Variants in ANKRD26 observed in about 807,000 individuals in gnomAD.
ANKRD26 encodes the protein ankyrin repeat domain 26, also known as ankyrin repeat domain-containing protein 26.
In ANKRD26, 141 loss-of-function variants were observed where a neutral mutation model predicts 208.7. That is an observed-to-expected ratio of 0.68 (90% CI 0.59 to 0.78). The LOEUF (loss-of-function observed/expected upper bound fraction) is 0.78, where lower values mean the gene tolerates loss of function less well. Among genes scored for constraint, ANKRD26 ranks in the 30% least tolerant of loss-of-function variants. The pLI is 0.00. For missense variants in ANKRD26, 1,889 were observed against 1,938.7 expected (o/e 0.97, Z 0.48); for synonymous variants, 636 against 660.4 (o/e 0.96, Z 0.57).
chr10:27,017,234 A>G (rs2053326168), intron 30 of ANKRD26, among the ~76,000 whole-genome samples: 2 of 152,344 alleles, frequency 1.3e-5, no homozygotes, highest in Non-Finnish European at 2.9e-5. Flanking sequence ...CTAAATCACA[A>G]TACTTTCTTT....
At chr10:27,007,838 T>C (rs1589200420) in intron 32 of ANKRD26, among the ~76,000 whole-genome samples, 1 of 152,124 alleles carries the variant, frequency 6.6e-6, no homozygotes, top group Non-Finnish European at 1.5e-5. Flanking sequence ...ATCCTATCTA[T>C]ATATTATAAA....
At chr10:27,062,234 C>T (rs1223717074) in intron 12 of ANKRD26, 1 of 973,668 alleles carries the variant, frequency 1.0e-6, no homozygotes, top group Non-Finnish European at 1.2e-6. Flanking sequence ...TCTACAATTT[C>T]TATTTCTCCA....
At chr10:27,046,881 AGAG>A (rs1329445149) in intron 17 of ANKRD26, among the ~76,000 whole-genome samples, 1 of 152,184 alleles carries the variant, frequency 6.6e-6, no homozygotes, top group Admixed American at 6.5e-5. Context: ...GAGACAAAAT[AGAG>A]GAGTTCATGA....
At chr10:27,099,051 C>T (rs2056561049) in intron 1 of ANKRD26, among the ~76,000 whole-genome samples, 1 of 152,074 alleles carries the variant, frequency 6.6e-6, no homozygotes, top group Non-Finnish European at 1.5e-5. Flanking sequence ...AGTGCAATGG[C>T]ACGATCTTGG....
chr10:27,089,400 T>C (rs11015516), intron 4 of ANKRD26, among the ~76,000 whole-genome samples: 1,878 of 152,358 alleles, frequency 0.012, 22 homozygotes, highest in South Asian at 0.035. Context: ...AAACATGTGA[T>C]AGTATTTTTT....
At chr10:26,977,502 A>ATT (rs2052244897) in intron 5 of ANKRD26, among the ~76,000 whole-genome samples, 1 of 152,170 alleles carries the variant, frequency 6.6e-6, no homozygotes, top group South Asian at 2.1e-4. Context: ...GCATAATGAT[A>ATT]TTTTGTTACA....
At chr10:26,981,439 G>A (rs2052307067) in intron 4 of ANKRD26, among the ~76,000 whole-genome samples, 1 of 152,156 alleles carries the variant, frequency 6.6e-6, no homozygotes, top group African/African-American at 2.4e-5. Flanking sequence ...TAGTTAAGAT[G>A]TCTGGTGACA....
downstream of ANKRD26, among the ~76,000 whole-genome samples, chr10:26,971,729 T>A (rs1422264918): frequency 6.8e-6 from 1 of 146,380 alleles, no homozygotes. Flanking sequence ...GGATTTTAAA[T>A]AAACTAACCA....
At position 27,075,919 on chromosome 10, in the gene ANKRD26, A is replaced by G. The variant is rs781736199; in HGVS notation, c.1077+1419T>C. 1.1e-4 allele frequency among the ~76,000 whole-genome samples: 17 copies of G among 152,234 alleles called. 1 individual carries two copies. Among genetic ancestry groups the G allele is most frequent in the Non-Finnish European group, 7.3e-5 (5 of 68,046 alleles). ...GAAGTATCTTCTCAGACCACAGCAG[A>G]ATACATAGAAATCAATTCCAAAAGG... is the stretch of plus-strand genomic sequence containing the variant. On this transcript the variant is annotated intron_variant, in intron 9 of 33. Transcript: ENST00000376087.
chr10:27,052,805 T>C (rs530697205), intron 16 of ANKRD26, among the ~76,000 whole-genome samples: 1 of 152,260 alleles, frequency 6.6e-6, no homozygotes, highest in Admixed American at 6.5e-5. Flanking sequence ...GACCTCATTC[T>C]TTCCCTGAAT....
chr10:26,970,313 T>C (rs752500847), downstream of ANKRD26, among the ~76,000 whole-genome samples: 2 of 152,170 alleles, frequency 1.3e-5, no homozygotes, highest in African/African-American at 4.8e-5. Flanking sequence ...GGAATTCTCA[T>C]GAGTGGTTTA....
chr10:26,998,564 G>C (rs2052648042), intron 4 of ANKRD26, among the ~76,000 whole-genome samples: 1 of 152,244 alleles, frequency 6.6e-6, no homozygotes, highest in Non-Finnish European at 1.5e-5. Context: ...CATAGGTTCT[G>C]ATAATGAGCT....
At chr10:27,039,637 G>A (rs901437975) in intron 21 of ANKRD26, among the ~76,000 whole-genome samples, 2 of 151,942 alleles carry the variant, frequency 1.3e-5, no homozygotes, top group Non-Finnish European at 2.9e-5. Flanking sequence ...TAAATAATTA[G>A]AAATGTAGAA....
chr10:26,949,191 T>C, the ANKRD26 span, among the ~76,000 whole-genome samples: 1 of 152,138 alleles, frequency 6.6e-6, no homozygotes, highest in East Asian at 1.9e-4. Context: ...TTACTAGTGA[T>C]TAATACCTTG....
intron 6 of ANKRD26, chr10:27,080,723 A>C (rs543385504): frequency 9.7e-5 from 96 of 985,438 alleles, no homozygotes; most frequent in Non-Finnish European, 1.1e-4. Flanking sequence ...AAATTCCTGA[A>C]AGGATGGTCT....
intron 23 of ANKRD26, 61 bp from the exon 24 acceptor site, chr10:27,035,813 T>A: frequency 8.5e-7 from 1 of 1,183,392 alleles, no homozygotes; most frequent in South Asian, 1.3e-5. Flanking sequence ...CATGATTTCC[T>A]CTGAAATTAA....
chr10:27,048,699 C>CA (rs1189643904), intron 17 of ANKRD26, 102 bp downstream of exon 17: 1 of 1,260,606 alleles, frequency 7.9e-7, no homozygotes, highest in Non-Finnish European at 1.1e-6. Flanking sequence ...ATATCCCTTG[C>CA]ATAGTAAAAG....
intron 12 of ANKRD26, chr10:27,061,885 T>G (rs2055070494): frequency 5.3e-6 from 5 of 941,500 alleles, no homozygotes; most frequent in Non-Finnish European, 6.3e-6. Context: ...ATCTTTGATG[T>G]CTGATAGTTA....
downstream of ANKRD26, among the ~76,000 whole-genome samples, chr10:27,002,621 A>C (rs1345948776): frequency 6.6e-6 from 1 of 152,216 alleles, no homozygotes; most frequent in Non-Finnish European, 1.5e-5. Flanking sequence ...AACTGGGATA[A>C]GCAGGTTAAG....
Sources: gnomAD v4.1 joint callset for allele counts (sites outside exome capture counted in the v4.1 genomes callset) on GRCh38, gnomAD v4.1.1 for gene constraint, MANE v1.5 for transcripts, NCBI Gene and HGNC (gene_info 2026-07-23, HGNC 2026-07-21) for gene names.